Variants in MIOX observed in about 807,000 individuals in gnomAD.
The protein encoded by MIOX is myo-inositol oxygenase.
Under a neutral mutation model 42.7 loss-of-function variants are expected in MIOX, and 51 were observed. That is an observed-to-expected ratio of 1.19 (90% CI 0.95 to 1.51). MIOX has a LOEUF of 1.51. Among genes scored for constraint, MIOX ranks in the 40% most tolerant of loss-of-function variants. The pLI is 0.00. For missense variants in MIOX, 395 were observed against 381.3 expected, an observed-to-expected ratio of 1.04 and a Z score of -0.30; for synonymous variants, 168 against 154.4, an observed-to-expected ratio of 1.09 and a Z score of -0.65.
In MIOX at chr22:50,488,297, C is replaced by T. The variant is rs765013686; in HGVS notation, c.363C>T (p.Leu121=). The T allele has an allele frequency of 8.1e-6, 13 of 1,613,132 alleles. No individual in the cohort carries two copies. Among genetic ancestry groups the T allele is most frequent in the Non-Finnish European group, 1.0e-5 (12 of 1,179,474 alleles). ...CAGACTGGTTCCACCTCGTCGGGCT[C>T]CTGCACGACCTGGGGAAGGTCCTGG... is the stretch of plus-strand genomic sequence containing the variant. The part of the protein sequence containing the change: ...PDKDWFHLVG[L]LHDLGKVLAL... The change falls in exon 5 of 10, where the codon CTC becomes CTT. Residue 121 remains leucine (L), a synonymous_variant. Transcript: ENST00000216075.
Position 50,487,020 on chromosome 22 carries a change from G to A in MIOX, c.15+108G>A, listed in dbSNP as rs886073151. 27 of 1,460,008 alleles carry A rather than the reference G, an allele frequency of 1.8e-5. No individual in the cohort carries two copies. The East Asian group carries it at 5.6e-4, about 30-fold the overall frequency. The allele number at this position is 1,460,008 out of a possible 1,614,324, so 90.4% of individuals were successfully genotyped here. On this transcript the variant is annotated intron_variant, in intron 1 of 9. Transcript: ENST00000216075. ...CTGGCCAGCCCTCCTCCTCCGTCCA[G>A]CTGGGCAAGAGCCAGCGGCTGCCGA...
chr22:50,489,394 C>G lies in MIOX; in HGVS notation c.587-3C>G. 6.3e-7 allele frequency: 1 copy of G among 1,586,188 alleles called. No individual in the cohort carries two copies. Reference sequence around the variant, plus strand: ...GCCTGCTGGTGACACCCTCTCCCCACAGAGTACATGTACCAGGTGATGAAG... The same window carrying G: ...GCCTGCTGGTGACACCCTCTCCCCAGAGAGTACATGTACCAGGTGATGAAG... On this transcript the variant is annotated splice_region_variant and splice_polypyrimidine_tract_variant and intron_variant, in intron 7 of 9. Transcript: ENST00000216075.
At position 50,489,607 on chromosome 22, in the gene MIOX, C is replaced by T. The variant is rs1300731613; in HGVS notation, c.712C>T (p.Gln238Ter). The change falls in exon 9 of 10, where the codon CAG (glutamine) becomes TAG (stop). Residue 238 changes from glutamine (Q) to a stop codon, truncating the protein, a stop_gained. Coordinates refer to ENST00000216075, the MANE Select transcript of MIOX (RefSeq NM_017584.6). LOFTEE classifies it high-confidence loss of function. ...CGACTACCAGCAGCTGTGCAGCCAG[C>T]AGGACCTGGCCATGCTGCCCTGGGT... ...GRDYQQLCSQ[Q>*]DLAMLPWVRE... 3.7e-6 allele frequency: 6 copies of T among 1,612,188 alleles called. No homozygotes were observed. The South Asian group carries it at 6.6e-5, about 18-fold the overall frequency.
chr22:50,488,622 ACCCCCCACGGCCTCCCCGCACCACT>A (rs2068306802), intron 5 of MIOX, among the ~76,000 whole-genome samples: 3 of 93,240 alleles, frequency 3.2e-5, no homozygotes, highest in African/African-American at 8.1e-5. Context: ...AGGCCAGTGC[ACCCCCCACGGCCTCCCCGCACCACT>A]CCCCCCACGG....
Position 50,489,520 on chromosome 22 carries a change from C to T in MIOX, c.637-12C>T, listed in dbSNP as rs1307711422. 6.8e-6 allele frequency: 11 copies of T among 1,612,242 alleles called. No individual in the cohort carries two copies. Among genetic ancestry groups the T allele is most frequent in the Non-Finnish European group, 9.3e-6 (11 of 1,179,722 alleles). On this transcript the variant is annotated splice_polypyrimidine_tract_variant and intron_variant, in intron 8 of 9. Coordinates refer to ENST00000216075, the MANE Select transcript of MIOX (RefSeq NM_017584.6). ...CAGCCCCAAGTGAGCCGCTGGGTGGCCTTGCCCGCAGGCTTTCTACATGAT... is the reference window on the plus strand; with the variant it reads ...CAGCCCCAAGTGAGCCGCTGGGTGGTCTTGCCCGCAGGCTTTCTACATGAT...
chr22:50,489,898 C>T lies in MIOX; in HGVS notation c.*42C>T, dbSNP rs1342202595. 2 of 1,569,064 alleles carry T rather than the reference C, an allele frequency of 1.3e-6. No homozygotes were observed. Among genetic ancestry groups the T allele is most frequent in the Non-Finnish European group, 1.7e-6 (2 of 1,147,502 alleles). ...GCTGCTGCTGGACCTAGGCCTGGCCCTCCGCCTGCCTGGAGAGGCCTGGCC... is the reference window on the plus strand; with the variant it reads ...GCTGCTGCTGGACCTAGGCCTGGCCTTCCGCCTGCCTGGAGAGGCCTGGCC... On this transcript the variant is annotated 3_prime_UTR_variant, in exon 10 of 10. Transcript: ENST00000216075.
chr22:50,489,117 G>T lies in MIOX; in HGVS notation c.486G>T (p.Gln162His), dbSNP rs751885629. 6.2e-7 allele frequency: 1 copy of T among 1,613,076 alleles called. No individual in the cohort carries two copies. The highest frequency in any genetic ancestry group is 8.5e-7 in the Non-Finnish European group (1 of 1,179,930). Residue 162 changes from glutamine (Q) to histidine (H), a missense_variant, in exon 6 of 10, where the codon CAG becomes CAT. Transcript: ENST00000216075. ...ASVVFCDSTF[Q>H]DNPDLQDPRY... ...TGGTTTTCTGCGACTCCACCTTCCA[G>T]GACAACCCTGACCTCCAGGATCCTC...
intron 1 of MIOX, 86 bp from the exon 2 acceptor site, chr22:50,487,299 G>T: frequency 8.8e-7 from 1 of 1,141,028 alleles, no homozygotes; most frequent in Non-Finnish European, 1.3e-6. Flanking sequence ...AGGCAGGCTT[G>T]GAGTCTGCAG....
chr22:50,487,441 C>A lies in MIOX; in HGVS notation c.72C>A (p.Asp24Glu). ...ATGTGGACCCAGAGGTGGCCAAAGA[C>A]AAGGCCAGCTTCCGGAACTACACGG... is the stretch of plus-strand genomic sequence containing the variant. ...RPDVDPEVAKDKASFRNYTSG... is the reference protein window; with the variant it reads ...RPDVDPEVAKEKASFRNYTSG... The change falls in exon 2 of 10, where the codon GAC becomes GAA. Residue 24 changes from aspartate (D) to glutamate (E), a missense_variant. Asp to Glu is a conservative substitution (Grantham distance 45). Coordinates refer to ENST00000216075, the MANE Select transcript of MIOX (RefSeq NM_017584.6). 6.2e-7 allele frequency: 1 copy of A among 1,613,934 alleles called. No homozygotes were observed.
intron 5 of MIOX, among the ~76,000 whole-genome samples, 186 bp from the exon 6 acceptor site, chr22:50,488,849 GCAACA>G (rs2068316035): frequency 1.3e-5 from 1 of 77,466 alleles, no homozygotes; most frequent in African/African-American, 4.6e-5. Flanking sequence ...GCAGTCATCG[GCAACA>G]TCTTCCCCCA....
In MIOX at chr22:50,490,162, G is replaced by A. The variant is rs1055666869; in HGVS notation, c.*306G>A. 12 of 422,578 alleles carry A rather than the reference G, an allele frequency of 2.8e-5. No individual in the cohort carries two copies. Among genetic ancestry groups the A allele is most frequent in the Admixed American group, 3.7e-5 (1 of 27,280 alleles). 26.2% of individuals were successfully genotyped at this position (422,578 alleles called of 1,614,324 possible). A position where few individuals can be genotyped will look rare whatever the true frequency, so the allele number is the denominator to read the frequency against. On this transcript the variant is annotated 3_prime_UTR_variant, in exon 10 of 10. Transcript: ENST00000216075. ...GTGTGTGTGTCCCACCACACTGGCC[G>A]TGGTAAACATCTGCCCATCCTCCCA...
Position 50,489,330 on chromosome 22 carries a change from G to GCGGTGGGGGA in MIOX, c.586+45_587-48dup, listed in dbSNP as rs977899381. On this transcript the variant is annotated intron_variant, in intron 7 of 9. Coordinates refer to ENST00000216075, the MANE Select transcript of MIOX (RefSeq NM_017584.6). Reference sequence around the variant, plus strand: ...GAGGCGGGCAGTGGGGCGGTGGGGGGCGGTGGGGGACGGTGGGGGGCGGTG... The same window carrying GCGGTGGGGGA: ...GAGGCGGGCAGTGGGGCGGTGGGGGGCGGTGGGGGACGGTGGGGGACGGTGGGGGGCGGTG... 8 of 1,485,314 alleles carry GCGGTGGGGGA rather than the reference G, an allele frequency of 5.4e-6. No individual in the cohort carries two copies. The Admixed American group carries it at 1.0e-4, about 19-fold the overall frequency. 92.0% of individuals were successfully genotyped at this position (1,485,314 alleles called of 1,614,324 possible).
chr22:50,486,978 C>T (rs553111719), intron 1 of MIOX, 66 bp downstream of exon 1: 328 of 1,596,368 alleles, frequency 2.1e-4, no homozygotes, highest in Non-Finnish European at 2.7e-4. Context: ...GCCACTCCCG[C>T]CCTCTTCTAG....
At chr22:50,487,044 G>A (rs1186027844) in intron 1 of MIOX, 132 bp downstream of exon 1, 15 of 1,200,020 alleles carry the variant, frequency 1.2e-5, no homozygotes, top group South Asian at 3.9e-5. Flanking sequence ...AGCGGCTGCC[G>A]ACCCCCAGGC....
chr22:50,489,876 G>C lies in MIOX; in HGVS notation c.*20G>C, dbSNP rs2068339603. On this transcript the variant is annotated 3_prime_UTR_variant, in exon 10 of 10. Coordinates refer to ENST00000216075, the MANE Select transcript of MIOX (RefSeq NM_017584.6). ...TGGTGACCCTCCTGCCACCCAAGCT[G>C]CTGCTGGACCTAGGCCTGGCCCTCC... 1 of 1,603,154 alleles carries C rather than the reference G, an allele frequency of 6.2e-7. No individual in the cohort carries two copies. Among genetic ancestry groups the C allele is most frequent in the East Asian group, 2.2e-5 (1 of 44,854 alleles).
intron 9 of MIOX, 50 bp from the exon 10 acceptor site, chr22:50,489,698 T>TG: frequency 1.2e-6 from 1 of 845,364 alleles, no homozygotes; most frequent in Non-Finnish European, 1.7e-6. Flanking sequence ...GGGGGTTGGG[T>TG]GGGGGGCCTG....
At position 50,489,268 on chromosome 22, in the gene MIOX, A is replaced by T; in HGVS notation, c.559A>T (p.Arg187Trp). ...GMYQPHCGLD[R>W]VLMSWGHDEY... ...GTATCAGCCCCACTGTGGGCTCGAC[A>T]GGGTCCTCATGTCCTGGGGCCATGA... Residue 187 changes from arginine (R) to tryptophan (W), a missense_variant, in exon 7 of 10, where the codon AGG becomes TGG. Coordinates refer to ENST00000216075, the MANE Select transcript of MIOX (RefSeq NM_017584.6). The T allele has an allele frequency of 6.3e-7, 1 of 1,576,066 alleles. No homozygotes were observed. Among genetic ancestry groups the T allele is most frequent in the Middle Eastern group, 1.7e-4 (1 of 5,942 alleles).
chr22:50,487,055 T>G, intron 1 of MIOX, 143 bp downstream of exon 1: 1 of 1,112,010 alleles, frequency 9.0e-7, no homozygotes, highest in Non-Finnish European at 1.3e-6. Context: ...ACCCCCAGGC[T>G]CCCTGTGGAC....
chr22:50,488,103 C>T, intron 4 of MIOX, 55 bp downstream of exon 4: 1 of 1,607,122 alleles, frequency 6.2e-7, no homozygotes, highest in Non-Finnish European at 8.5e-7. Flanking sequence ...GGGCAGAATG[C>T]AGCAGCCTGT....
Sources: gnomAD v4.1 joint callset for allele counts (sites outside exome capture counted in the v4.1 genomes callset) on GRCh38, gnomAD v4.1.1 for gene constraint, MANE v1.5 for transcripts, NCBI Gene and HGNC (gene_info 2026-07-23, HGNC 2026-07-21) for gene names.